Variants in ROBO2 observed in about 807,000 individuals in gnomAD.
The protein encoded by ROBO2 is roundabout homolog 2.
Under a neutral mutation model 160.8 loss-of-function variants are expected in ROBO2, and 53 were observed. That is an observed-to-expected ratio of 0.33 (90% CI 0.26 to 0.41). The LOEUF (loss-of-function observed/expected upper bound fraction) is 0.41, where lower values mean the gene tolerates loss of function less well. ROBO2 is among the 10% of genes least tolerant of loss of function. The probability of loss-of-function intolerance (pLI) is 1.00; values close to 1 mark genes in which losing one functional copy is unlikely to be tolerated. For synonymous variants in ROBO2, 664 were observed against 611.7 expected (o/e 1.09, Z -1.26); for missense variants, 1,577 against 1,722.4 (o/e 0.92, Z 1.49).
chr3:76,246,221 G>T (rs545938741), intron 2 of ROBO2, among the ~76,000 whole-genome samples: 227 of 151,902 alleles, frequency 1.5e-3, no homozygotes, highest in Middle Eastern at 0.014. Flanking sequence ...GTAACTCTTT[G>T]AACAGCTCTG....
intron 2 of ROBO2, among the ~76,000 whole-genome samples, chr3:76,164,470 A>G (rs1045631536): frequency 6.6e-6 from 1 of 152,216 alleles, no homozygotes; most frequent in Non-Finnish European, 1.5e-5. Context: ...ATATTATTAA[A>G]TAATAAGGCC....
intron 2 of ROBO2, among the ~76,000 whole-genome samples, chr3:76,660,336 A>G (rs2091763409): frequency 6.6e-6 from 1 of 152,192 alleles, no homozygotes; most frequent in South Asian, 2.1e-4. Flanking sequence ...GCGGTGACCC[A>G]GTCGAAGAGT....
intron 2 of ROBO2, among the ~76,000 whole-genome samples, chr3:75,965,231 C>G (rs1949061021): frequency 6.6e-6 from 1 of 151,720 alleles, no homozygotes; most frequent in African/African-American, 2.4e-5. Context: ...GAAATGTAGT[C>G]ATATTTTCAC....
intron 21 of ROBO2, among the ~76,000 whole-genome samples, chr3:77,615,757 T>C (rs568872348): frequency 6.6e-6 from 1 of 152,338 alleles, no homozygotes; most frequent in East Asian, 1.9e-4. Flanking sequence ...TGTTGGTTGC[T>C]TCCAAATTTT....
intron 2 of ROBO2, among the ~76,000 whole-genome samples, chr3:76,695,029 G>C (rs956773864): frequency 6.6e-6 from 1 of 152,040 alleles, no homozygotes; most frequent in Non-Finnish European, 1.5e-5. Flanking sequence ...GCTTGAATTC[G>C]GGAGGTGGAG....
At chr3:76,927,615 C>A (rs568783547) in intron 2 of ROBO2, among the ~76,000 whole-genome samples, 1 of 152,194 alleles carries the variant, frequency 6.6e-6, no homozygotes, top group African/African-American at 2.4e-5. Flanking sequence ...TCATTGAAAC[C>A]TTTTCAACTT....
At chr3:76,324,257 A>C (rs2107929691) in intron 2 of ROBO2, among the ~76,000 whole-genome samples, 1 of 152,358 alleles carries the variant, frequency 6.6e-6, no homozygotes, top group South Asian at 2.1e-4. Flanking sequence ...TTCTAGCTTC[A>C]AAAACCACAA....
At chr3:77,528,629 A>C (rs947049552) in intron 6 of ROBO2, among the ~76,000 whole-genome samples, 3 of 151,634 alleles carry the variant, frequency 2.0e-5, no homozygotes, top group South Asian at 2.1e-4. Flanking sequence ...AATAATACTG[A>C]CTTATCAAAG....
At chr3:77,080,147 GA>G (rs2068482046) in intron 1 of ROBO2, among the ~76,000 whole-genome samples, 1 of 152,136 alleles carries the variant, frequency 6.6e-6, no homozygotes, top group Non-Finnish European at 1.5e-5. Context: ...TTATGCAAAT[GA>G]ACCAATTAAT....
intron 23 of ROBO2, chr3:77,629,286 G>C (rs535107428): frequency 6.6e-6 from 1 of 152,128 alleles, no homozygotes; most frequent in Admixed American, 6.6e-5. Flanking sequence ...CTTTAGTGAT[G>C]CTACCGTGGT....
chr3:76,132,923 G>A (rs1045054692), intron 2 of ROBO2, among the ~76,000 whole-genome samples: 14 of 152,252 alleles, frequency 9.2e-5, no homozygotes, highest in African/African-American at 3.4e-4. Flanking sequence ...CACGGATGCT[G>A]GAGACAGTCT....
intron 2 of ROBO2, among the ~76,000 whole-genome samples, chr3:76,231,403 T>TA (rs916776463): frequency 4.7e-4 from 71 of 152,208 alleles, no homozygotes; most frequent in African/African-American, 1.7e-3. Context: ...TCTTCCTCTG[T>TA]AGTCCTTCAT....
At chr3:76,840,189 T>C (rs144875379) in intron 2 of ROBO2, among the ~76,000 whole-genome samples, 4 of 152,334 alleles carry the variant, frequency 2.6e-5, no homozygotes, top group African/African-American at 9.6e-5. Context: ...AATGTATTTC[T>C]GCTCTAATCT....
chr3:76,480,113 C>T (rs938578923), intron 2 of ROBO2, among the ~76,000 whole-genome samples: 5 of 152,062 alleles, frequency 3.3e-5, no homozygotes, highest in South Asian at 2.1e-4. Flanking sequence ...GTATCAGCAC[C>T]ATAAGTTATT....
chr3:77,133,063 T>G (rs900782011), intron 2 of ROBO2, among the ~76,000 whole-genome samples: 4 of 152,146 alleles, frequency 2.6e-5, no homozygotes, highest in Admixed American at 6.6e-5. Context: ...ACTTCTTGCT[T>G]CTTATAATCT....
chr3:76,219,622 G>A (rs976582104), intron 2 of ROBO2, among the ~76,000 whole-genome samples: 30 of 152,062 alleles, frequency 2.0e-4, no homozygotes, highest in Non-Finnish European at 3.7e-4. Context: ...CAAAACCACA[G>A]TGAGATACCA....
At chr3:76,437,477 T>A (rs1475362259) in intron 2 of ROBO2, among the ~76,000 whole-genome samples, 1 of 152,182 alleles carries the variant, frequency 6.6e-6, no homozygotes, top group East Asian at 1.9e-4. Flanking sequence ...TCCCCAATCC[T>A]GCCAATGATT....
chr3:77,270,948 A>ATT (rs1478287280), intron 2 of ROBO2, among the ~76,000 whole-genome samples: 2,359 of 143,118 alleles, frequency 0.016, 63 homozygotes, highest in African/African-American at 0.052. Context: ...GTCTTTTTAA[A>ATT]AAAAAAAAAA....
In ROBO2 at chr3:77,431,577, C is replaced by T. The variant is rs540685010; in HGVS notation, c.389-45837C>T. The stretch of plus-strand genomic sequence containing the variant: ...TGCCTGAAATGACATAGTCGCTGGA[C>T]CCTGAGCCCTCCCAAAGCAGAATCT... On this transcript the variant is annotated intron_variant, in intron 2 of 25. Transcript: ENST00000461745. Among the ~76,000 whole-genome samples the T allele has an allele frequency of 2.6e-5, 4 of 152,198 alleles. No individual in the cohort carries two copies. In the South Asian group the frequency reaches 8.3e-4, roughly 32 times the overall value.
Sources: gnomAD v4.1 joint callset for allele counts (sites outside exome capture counted in the v4.1 genomes callset) on GRCh38, gnomAD v4.1.1 for gene constraint, MANE v1.5 for transcripts, NCBI Gene and HGNC (gene_info 2026-07-23, HGNC 2026-07-21) for gene names.